The following NCOA6 variants were observed in gnomAD, a reference collection of about 807,000 sequenced individuals.
NCOA6 encodes NRC RAP250.
In NCOA6, 49 loss-of-function variants were observed where a neutral mutation model predicts 171.4. That is an observed-to-expected ratio of 0.29 (90% CI 0.23 to 0.36). The LOEUF (loss-of-function observed/expected upper bound fraction) is 0.36. NCOA6 is among the 10% of genes least tolerant of loss of function. The pLI, the probability that NCOA6 is intolerant of heterozygous loss-of-function variation, is 1.00. For synonymous variants in NCOA6, 910 were observed against 927.5 expected (o/e 0.98, Z 0.34); for missense variants, 2,248 against 2,554.5 (o/e 0.88, Z 2.59).
chr20:34,782,623 C>G (rs1052211212), intron 2 of NCOA6, among the ~76,000 whole-genome samples: 3 of 152,118 alleles, frequency 2.0e-5, no homozygotes, highest in Non-Finnish European at 4.4e-5. Flanking sequence ...ATTTAACATT[C>G]TTTTTATTAT....
At chr20:34,770,044 C>CTT (rs542167234) in intron 4 of NCOA6, among the ~76,000 whole-genome samples, 8 of 142,768 alleles carry the variant, frequency 5.6e-5, no homozygotes, top group South Asian at 2.2e-4. Context: ...GTCAGCCTTC[C>CTT]TTTTTTTTTT....
rs772387072 is a variant in NCOA6, at chr20:34,734,083, TA to T, written c.5963-1489del. 9.5e-4 allele frequency among the ~76,000 whole-genome samples: 145 copies of T among 152,258 alleles called. 2 individuals carry two copies. The highest frequency in any genetic ancestry group is 6.8e-3 in the Middle Eastern group (2 of 294). ...AGAAGTGCTCACCCTCATTGTTTTT[TA>T]TTTTTTTGAGACAGGGTCTCACTCT... On this transcript the variant is annotated intron_variant, in intron 12 of 14. Transcript: ENST00000359003.
At chr20:34,727,525 G>T in intron 13 of NCOA6, 118 bp from the exon 14 acceptor site, 2 of 1,135,588 alleles carry the variant, frequency 1.8e-6, no homozygotes, top group Non-Finnish European at 2.5e-6. Context: ...TAGTTATTCT[G>T]GAGAGAAAGC....
intron 2 of NCOA6, among the ~76,000 whole-genome samples, chr20:34,788,611 T>C (rs925033331): frequency 2.6e-5 from 4 of 152,158 alleles, no homozygotes; most frequent in Admixed American, 6.5e-5. Flanking sequence ...CTGGAGTCAA[T>C]TTCCACCTCC....
At chr20:34,717,984 T>C (rs1477035181) in intron 14 of NCOA6, among the ~76,000 whole-genome samples, 11 of 152,180 alleles carry the variant, frequency 7.2e-5, no homozygotes, top group Non-Finnish European at 1.3e-4. Context: ...AGGCTCCCCC[T>C]CCTTCCTTGC....
intron 1 of NCOA6, among the ~76,000 whole-genome samples, chr20:34,822,485 G>A (rs539211957): frequency 3.3e-5 from 5 of 152,192 alleles, no homozygotes; most frequent in African/African-American, 4.8e-5. Context: ...TCACCCCTTC[G>A]CAACACCTTC....
intron 1 of NCOA6, among the ~76,000 whole-genome samples, chr20:34,794,659 A>G (rs1373506146): frequency 6.6e-6 from 1 of 152,174 alleles, no homozygotes; most frequent in Non-Finnish European, 1.5e-5. Context: ...TATTTTATAC[A>G]TGCTAGTGCT....
intron 1 of NCOA6, among the ~76,000 whole-genome samples, chr20:34,806,317 T>C (rs1215743318): frequency 6.6e-6 from 1 of 152,244 alleles, no homozygotes; most frequent in Admixed American, 6.5e-5. Context: ...TATTAATCCC[T>C]TGTCACATGA....
At chr20:34,728,467 A>G (rs1349232885) in intron 13 of NCOA6, among the ~76,000 whole-genome samples, 1 of 152,130 alleles carries the variant, frequency 6.6e-6, no homozygotes, top group Admixed American at 6.5e-5. Context: ...GACATTTTTG[A>G]TTGTCACAAC....
chr20:34,761,271 G>T (rs2076809723), intron 5 of NCOA6, among the ~76,000 whole-genome samples: 1 of 151,996 alleles, frequency 6.6e-6, no homozygotes, highest in South Asian at 2.1e-4. Context: ...TTTTCAGTTG[G>T]TGTTCTTTCT....
intron 1 of NCOA6, among the ~76,000 whole-genome samples, chr20:34,803,798 G>A (rs1262727197): frequency 1.3e-5 from 2 of 149,776 alleles, no homozygotes; most frequent in Non-Finnish European, 3.0e-5. Context: ...GAGTTCGAGA[G>A]ACCAACCTGG....
intron 1 of NCOA6, among the ~76,000 whole-genome samples, chr20:34,815,632 A>G (rs2078810213): frequency 6.6e-6 from 1 of 152,148 alleles, no homozygotes; most frequent in African/African-American, 2.4e-5. Flanking sequence ...CATGACTATT[A>G]ACACTGAAAT....
At chr20:34,754,938 A>T in intron 7 of NCOA6, 70 bp from the exon 8 acceptor site, 1 of 1,525,852 alleles carries the variant, frequency 6.6e-7, no homozygotes, top group Non-Finnish European at 9.0e-7. Context: ...TGGAATGAAT[A>T]AGGAAGGATG....
chr20:34,741,226 G>A lies in NCOA6; in HGVS notation c.5030C>T (p.Thr1677Ile). 6.2e-7 allele frequency: 1 copy of A among 1,614,264 alleles called. No homozygotes were observed. Among genetic ancestry groups the A allele is most frequent in the Non-Finnish European group, 8.5e-7 (1 of 1,180,048 alleles). ...GGTTGTCAGTGGGGCTGCAGGAATT[G>A]TGCTTGGCTGTGATCCTTTCATAAC... ...IQVMKGSQPSTIPAAPLTTNS... is the reference protein window; with the variant it reads ...IQVMKGSQPSIIPAAPLTTNS... Residue 1677 changes from threonine (T) to isoleucine (I), a missense_variant, in exon 11 of 15, where the codon ACA (threonine) becomes ATA (isoleucine). Coordinates refer to ENST00000359003, the MANE Select transcript of NCOA6 (RefSeq NM_014071.5).
At chr20:34,754,605 G>A (rs2076588899) in intron 8 of NCOA6, 117 bp downstream of exon 8, 1 of 1,212,240 alleles carries the variant, frequency 8.2e-7, no homozygotes, top group South Asian at 1.7e-5. Context: ...TTATTTATGG[G>A]CTTGAAATTA....
chr20:34,798,494 T>C (rs760487782), intron 1 of NCOA6, among the ~76,000 whole-genome samples: 18 of 152,202 alleles, frequency 1.2e-4, no homozygotes, highest in Non-Finnish European at 2.4e-4. Context: ...CAGGTGGTAG[T>C]TACTACAGGC....
chr20:34,730,073 TTG>T (rs1418373358), intron 13 of NCOA6, among the ~76,000 whole-genome samples: 2 of 43,484 alleles, frequency 4.6e-5, no homozygotes, highest in Non-Finnish European at 1.0e-4. Flanking sequence ...AAAAAAATTT[TTG>T]TTTTTTTTTT....
intron 1 of NCOA6, among the ~76,000 whole-genome samples, chr20:34,819,075 C>T (rs960577851): frequency 2.0e-5 from 3 of 152,148 alleles, no homozygotes; most frequent in Non-Finnish European, 4.4e-5. Flanking sequence ...TCAAGTATGG[C>T]TCATCCTTAG....
At chr20:34,807,304 T>A (rs958135305) in intron 1 of NCOA6, among the ~76,000 whole-genome samples, 1 of 152,142 alleles carries the variant, frequency 6.6e-6, no homozygotes, top group Non-Finnish European at 1.5e-5. Flanking sequence ...AGCCAAGCGC[T>A]AAGATGAGAC....
Sources: allele counts gnomAD v4.1 joint callset (sites outside exome capture counted in the v4.1 genomes callset), GRCh38; gene constraint gnomAD v4.1.1; transcripts MANE v1.5; gene names NCBI Gene and HGNC (gene_info 2026-07-23, HGNC 2026-07-21).